RANBP2: variants seen among roughly 807,000 people sequenced by gnomAD.
RANBP2 encodes the protein E3 SUMO-protein ligase RanBP2.
Under a neutral mutation model 303.6 loss-of-function variants are expected in RANBP2, and 57 were observed. The observed-to-expected ratio is 0.19, with a 90% CI of 0.15 to 0.23. The LOEUF (loss-of-function observed/expected upper bound fraction) is 0.23, where lower values mean the gene tolerates loss of function less well. RANBP2 is among the 10% of genes least tolerant of loss of function. The probability of loss-of-function intolerance (pLI) is 1.00; values close to 1 mark genes in which losing one functional copy is unlikely to be tolerated. For synonymous variants in RANBP2, 1,167 were observed against 1,301.5 expected (o/e 0.90, Z 2.23); for missense variants, 3,138 against 3,780.8 (o/e 0.83, Z 4.46).
chr2:109,658,297 A>ATTT, the RANBP2 span, among the ~76,000 whole-genome samples: 1 of 148,426 alleles, frequency 6.7e-6, no homozygotes, highest in East Asian at 2.0e-4. Context: ...AATACAAAAA[A>ATTT]TTAGCCAGGC....
At chr2:108,736,461 C>T (rs190327754) in intron 6 of RANBP2, among the ~76,000 whole-genome samples, 188 of 152,240 alleles carry the variant, frequency 1.2e-3, no homozygotes, top group Middle Eastern at 0.01. Context: ...TTTTAGAGAA[C>T]TCTTATAGTT....
At chr2:109,316,173 G>A in the RANBP2 span, among the ~76,000 whole-genome samples, 2 of 152,198 alleles carry the variant, frequency 1.3e-5, no homozygotes, top group Admixed American at 6.5e-5. Flanking sequence ...TGGTTTTGCT[G>A]AACTTTTGGG....
At chr2:109,017,507 GC>G in the RANBP2 span, among the ~76,000 whole-genome samples, 1 of 152,206 alleles carries the variant, frequency 6.6e-6, no homozygotes. Flanking sequence ...TCCACTTCCA[GC>G]CTCTTTCCTC....
chr2:108,866,017 C>T, the RANBP2 span, among the ~76,000 whole-genome samples: 1 of 152,140 alleles, frequency 6.6e-6, no homozygotes, highest in Non-Finnish European at 1.5e-5. Context: ...TTGTTCCTGT[C>T]TTATGGAGCT....
the RANBP2 span, among the ~76,000 whole-genome samples, chr2:109,555,461 C>T: frequency 3.9e-5 from 6 of 152,250 alleles, no homozygotes; most frequent in Admixed American, 1.3e-4. Flanking sequence ...GTAAAGTCTC[C>T]CCCACTCTCC....
the RANBP2 span, among the ~76,000 whole-genome samples, chr2:109,367,256 G>A: frequency 6.6e-6 from 1 of 151,560 alleles, no homozygotes; most frequent in South Asian, 2.1e-4. Flanking sequence ...GAGCCACTGT[G>A]CCCGTCTTGT....
At chr2:108,955,374 GA>G in the RANBP2 span, among the ~76,000 whole-genome samples, 1 of 152,168 alleles carries the variant, frequency 6.6e-6, no homozygotes, top group Non-Finnish European at 1.5e-5. Context: ...AAAATATAAA[GA>G]AATAAAATCA....
At chr2:109,673,302 T>G in the RANBP2 span, among the ~76,000 whole-genome samples, 1 of 152,228 alleles carries the variant, frequency 6.6e-6, no homozygotes, top group East Asian at 1.9e-4. Flanking sequence ...ACTGAATTAT[T>G]TCCGTAGTAG....
chr2:109,611,906 T>C, the RANBP2 span, among the ~76,000 whole-genome samples: 4 of 152,192 alleles, frequency 2.6e-5, no homozygotes, highest in African/African-American at 9.7e-5. Context: ...ATACAGCCAT[T>C]CTGAGAAAGT....
the RANBP2 span, among the ~76,000 whole-genome samples, chr2:109,607,243 C>T: frequency 3.2e-4 from 48 of 152,188 alleles, no homozygotes; most frequent in South Asian, 9.6e-3. Context: ...ACTACAGTCT[C>T]CATAGAAACA....
the RANBP2 span, among the ~76,000 whole-genome samples, chr2:109,719,238 A>G: frequency 6.7e-6 from 1 of 149,612 alleles, no homozygotes; most frequent in South Asian, 2.1e-4. Flanking sequence ...CTGGGATTAC[A>G]GGCATGCACC....
the RANBP2 span, among the ~76,000 whole-genome samples, chr2:109,640,701 T>G: frequency 6.6e-6 from 1 of 152,056 alleles, no homozygotes; most frequent in East Asian, 1.9e-4. Context: ...CCGGCCACAC[T>G]CAAGTATAAA....
the RANBP2 span, among the ~76,000 whole-genome samples, chr2:109,669,161 T>C: frequency 4.1e-4 from 62 of 152,152 alleles, no homozygotes; most frequent in African/African-American, 1.4e-3. Flanking sequence ...TCTCTCCTCA[T>C]ACATGAAAAT....
the RANBP2 span, chr2:109,613,542 A>T: frequency 4.0e-6 from 1 of 248,592 alleles, no homozygotes. Flanking sequence ...GAAGTCGTTC[A>T]AGAACTCTCC....
the RANBP2 span, among the ~76,000 whole-genome samples, chr2:109,714,448 T>G: frequency 1.3e-5 from 2 of 150,844 alleles, no homozygotes; most frequent in African/African-American, 4.9e-5. Context: ...ACTACAGGCA[T>G]GCACCACCAC....
the RANBP2 span, among the ~76,000 whole-genome samples, chr2:109,190,314 C>G: frequency 1.3e-5 from 2 of 152,184 alleles, no homozygotes; most frequent in African/African-American, 4.8e-5. Context: ...GCTGGGATTA[C>G]AGGCATCTGC....
the RANBP2 span, among the ~76,000 whole-genome samples, chr2:109,479,509 G>T: frequency 6.6e-6 from 1 of 152,090 alleles, no homozygotes; most frequent in Non-Finnish European, 1.5e-5. Flanking sequence ...AAGTTCCACC[G>T]TATCTGTTCT....
At chr2:109,761,034 G>T in the RANBP2 span, among the ~76,000 whole-genome samples, 19 of 138,720 alleles carry the variant, frequency 1.4e-4, no homozygotes, top group Non-Finnish European at 2.2e-4. Flanking sequence ...AGGTAGCCAG[G>T]GGCAGAGCGC....
chr2:108,958,737 CTA>C, the RANBP2 span, among the ~76,000 whole-genome samples: 1 of 152,220 alleles, frequency 6.6e-6, no homozygotes, highest in Non-Finnish European at 1.5e-5. Context: ...CCCAGGAGAC[CTA>C]AAGCTCAAGC....
Sources: gnomAD v4.1 joint callset for allele counts (sites outside exome capture counted in the v4.1 genomes callset) on GRCh38, gnomAD v4.1.1 for gene constraint, MANE v1.5 for transcripts, NCBI Gene and HGNC (gene_info 2026-07-23, HGNC 2026-07-21) for gene names.